The following GRM8 variants were observed in gnomAD, a reference collection of about 807,000 sequenced individuals.
GRM8 encodes metabotropic glutamate receptor 8.
In GRM8, 47 loss-of-function variants were observed where a neutral mutation model predicts 87.2. That is an observed-to-expected ratio of 0.54 (90% confidence interval 0.43 to 0.69). The LOEUF (loss-of-function observed/expected upper bound fraction) is 0.69, where lower values mean the gene tolerates loss of function less well. Among genes scored for constraint, GRM8 ranks in the 30% least tolerant of loss-of-function variants. The pLI is 0.00. For synonymous variants in GRM8, 396 were observed against 404.5 expected (o/e 0.98, Z 0.25); for missense variants, 1,019 against 1,139.2 (o/e 0.89, Z 1.52).
At chr7:126,659,638 T>C (rs1244473976) in intron 7 of GRM8, among the ~76,000 whole-genome samples, 1 of 152,226 alleles carries the variant, frequency 6.6e-6, no homozygotes, top group African/African-American at 2.4e-5. Flanking sequence ...CCCTTTTCCT[T>C]TCTTTTTACT....
intron 10 of GRM8, among the ~76,000 whole-genome samples, chr7:126,439,749 C>T (rs1301044797): frequency 1.3e-5 from 2 of 151,590 alleles, no homozygotes; most frequent in Non-Finnish European, 2.9e-5. Context: ...GTTATTGCCC[C>T]TTAAGACCTT....
chr7:126,704,361 G>A (rs1810261954), intron 7 of GRM8, among the ~76,000 whole-genome samples: 1 of 152,172 alleles, frequency 6.6e-6, no homozygotes, highest in Non-Finnish European at 1.5e-5. Flanking sequence ...ATAAATTGAG[G>A]AGGATGTATG....
At chr7:127,202,857 C>G (rs1795689058) in intron 2 of GRM8, among the ~76,000 whole-genome samples, 1 of 152,186 alleles carries the variant, frequency 6.6e-6, no homozygotes, top group Admixed American at 6.5e-5. Flanking sequence ...TTTGAAGTCC[C>G]TCTGACCTAA....
intron 7 of GRM8, among the ~76,000 whole-genome samples, chr7:126,757,374 T>C (rs1434886762): frequency 5.9e-5 from 9 of 152,082 alleles, no homozygotes; most frequent in African/African-American, 2.2e-4. Context: ...GGATTCTGTG[T>C]GGGGTGCTTT....
At position 126,701,740 on chromosome 7, in the gene GRM8, G is replaced by A. The variant is rs868352930; in HGVS notation, c.1357+68125C>T. On this transcript the variant is annotated intron_variant, in intron 7 of 10. Transcript: ENST00000339582. ...GTATAAAACTATTGTTATAGTCCATGCAACCAAAATTCTTACCCAACTACT... is the reference window on the plus strand; with the variant it reads ...GTATAAAACTATTGTTATAGTCCATACAACCAAAATTCTTACCCAACTACT... 29 of 1,093,742 alleles carry A rather than the reference G, an allele frequency of 2.7e-5. No homozygotes were observed. The Middle Eastern group carries it at 2.6e-3, about 96-fold the overall frequency. 67.8% of individuals were successfully genotyped at this position (1,093,742 alleles called of 1,614,324 possible).
At chr7:126,923,381 C>T (rs1312054002) in intron 3 of GRM8, among the ~76,000 whole-genome samples, 1 of 152,052 alleles carries the variant, frequency 6.6e-6, no homozygotes, top group African/African-American at 2.4e-5. Flanking sequence ...GGTCTGATAC[C>T]CAAATGTCAA....
At chr7:126,725,780 T>C (rs1812899190) in intron 7 of GRM8, among the ~76,000 whole-genome samples, 1 of 152,124 alleles carries the variant, frequency 6.6e-6, no homozygotes, top group Admixed American at 6.6e-5. Flanking sequence ...AAGCTTACAA[T>C]TATGGCAGAA....
At chr7:126,682,674 G>A (rs568551521) in intron 7 of GRM8, among the ~76,000 whole-genome samples, 47 of 152,284 alleles carry the variant, frequency 3.1e-4, no homozygotes, top group African/African-American at 1.1e-3. Context: ...CTGTTTTGAG[G>A]CTACAACAGA....
At chr7:126,772,486 A>C (rs758071964) in intron 6 of GRM8, among the ~76,000 whole-genome samples, 5 of 152,046 alleles carry the variant, frequency 3.3e-5, no homozygotes, top group African/African-American at 4.8e-5. Context: ...GAATCTCCCT[A>C]CTTGGGACAT....
At chr7:127,036,680 G>A (rs1817880280) in intron 3 of GRM8, among the ~76,000 whole-genome samples, 1 of 152,140 alleles carries the variant, frequency 6.6e-6, no homozygotes, top group Admixed American at 6.5e-5. Flanking sequence ...GTTTGACCAT[G>A]GGTCCATGGC....
At chr7:127,070,638 T>C (rs1821582436) in intron 3 of GRM8, among the ~76,000 whole-genome samples, 2 of 152,154 alleles carry the variant, frequency 1.3e-5, no homozygotes, top group Admixed American at 6.5e-5. Flanking sequence ...ATTTTGACTT[T>C]TATTACTAGT....
At chr7:126,718,004 C>T (rs925002907) in intron 7 of GRM8, among the ~76,000 whole-genome samples, 7 of 151,742 alleles carry the variant, frequency 4.6e-5, no homozygotes, top group African/African-American at 7.3e-5. Context: ...AGGCCAAGGC[C>T]GGCGGATCAC....
chr7:126,522,072 C>T (rs1813062854), intron 9 of GRM8, among the ~76,000 whole-genome samples: 1 of 152,154 alleles, frequency 6.6e-6, no homozygotes, highest in African/African-American at 2.4e-5. Context: ...TTAGTCCAGA[C>T]CAGAGAGAAA....
chr7:126,711,398 G>A (rs551925346), intron 7 of GRM8, among the ~76,000 whole-genome samples: 35 of 152,182 alleles, frequency 2.3e-4, no homozygotes, highest in South Asian at 4.1e-4. Context: ...TCTCAACACT[G>A]GGCTGAAAAT....
At chr7:126,984,056 A>G (rs1049013176) in intron 3 of GRM8, among the ~76,000 whole-genome samples, 1 of 152,174 alleles carries the variant, frequency 6.6e-6, no homozygotes, top group Non-Finnish European at 1.5e-5. Flanking sequence ...TTTTTCCTTT[A>G]TCATGTGACA....
At chr7:127,044,629 AT>A (rs1263021955) in intron 3 of GRM8, among the ~76,000 whole-genome samples, 1 of 152,122 alleles carries the variant, frequency 6.6e-6, no homozygotes, top group Non-Finnish European at 1.5e-5. Flanking sequence ...AAATCCCTCC[AT>A]GTCAAGCAGG....
intron 9 of GRM8, among the ~76,000 whole-genome samples, chr7:126,518,601 C>T (rs1201328625): frequency 1.3e-5 from 2 of 152,020 alleles, no homozygotes; most frequent in African/African-American, 2.4e-5. Flanking sequence ...ACGTTTGTAT[C>T]ATGCTATGTT....
chr7:126,531,538 C>A (rs1045467384), intron 9 of GRM8, among the ~76,000 whole-genome samples: 7 of 152,198 alleles, frequency 4.6e-5, no homozygotes, highest in Non-Finnish European at 1.0e-4. Context: ...AACCTCCACC[C>A]TCTGGCATAT....
chr7:127,100,774 T>C (rs772342851), intron 3 of GRM8, among the ~76,000 whole-genome samples: 10 of 152,190 alleles, frequency 6.6e-5, no homozygotes, highest in Non-Finnish European at 1.2e-4. Flanking sequence ...GCCCTACACT[T>C]GACACACGGG....
Sources: allele counts gnomAD v4.1 joint callset (sites outside exome capture counted in the v4.1 genomes callset), GRCh38; gene constraint gnomAD v4.1.1; transcripts MANE v1.5; gene names NCBI Gene and HGNC (gene_info 2026-07-23, HGNC 2026-07-21).